The following IRS4 variants were observed in gnomAD, a reference collection of about 807,000 sequenced individuals.
The protein encoded by IRS4 is 160 kDa phosphotyrosine protein.
IRS4 carries 15 observed loss-of-function variants against 48.6 expected under a neutral mutation model. The ratio of observed to expected loss-of-function variants is 0.31; its 90% confidence interval spans 0.21 to 0.48. The LOEUF (loss-of-function observed/expected upper bound fraction) is 0.48. IRS4 is among the 20% of genes least tolerant of loss of function. The pLI is 0.99. For missense variants in IRS4, 987 were observed against 1,023.4 expected (o/e 0.96, Z 0.49); for synonymous variants, 459 against 413.2 (o/e 1.11, Z -1.34).
At chrX:108,725,209 C>T (rs2068869141) in intron 1 of IRS4, among the ~76,000 whole-genome samples, 1 of 110,381 alleles carries the variant, frequency 9.1e-6, no homozygotes, top group Admixed American at 9.7e-5. Context: ...TTTTGAAGTC[C>T]GAAACAGCAG....
intron 1 of IRS4, among the ~76,000 whole-genome samples, chrX:108,730,964 TG>T (rs1362896933): frequency 1.8e-5 from 2 of 111,788 alleles, no homozygotes; most frequent in African/African-American, 6.5e-5. Flanking sequence ...AATCTTATTA[TG>T]GATTAAAGAC....
chrX:108,730,556 G>T (rs1293871659), intron 1 of IRS4, among the ~76,000 whole-genome samples: 1 of 111,521 alleles, frequency 9.0e-6, no homozygotes, highest in African/African-American at 3.3e-5. Context: ...CAACCTAAGC[G>T]CCTGCCTCCC....
At chrX:108,727,682 C>G (rs1331542118) in intron 1 of IRS4, among the ~76,000 whole-genome samples, 1 of 112,163 alleles carries the variant, frequency 8.9e-6, no homozygotes, top group African/African-American at 3.2e-5. Context: ...TTTACAAAAG[C>G]TATTTTCCAA....
chrX:108,726,063 A>T (rs1302678788), intron 1 of IRS4: 1 of 112,616 alleles, frequency 8.9e-6, no homozygotes, highest in Non-Finnish European at 1.9e-5. Flanking sequence ...AGTTACTGCC[A>T]ACTTAAAGAA....
chrX:108,726,226 GCCTATATTTAA>G (rs1391088011), intron 1 of IRS4: 1 of 112,309 alleles, frequency 8.9e-6, no homozygotes, highest in African/African-American at 3.2e-5. Context: ...GTCTAGATAT[GCCTATATTTAA>G]CCTATGCAAC....
At chrX:108,730,315 ACCACCACCC>A (rs1285235675) in intron 1 of IRS4, among the ~76,000 whole-genome samples, 1 of 97,422 alleles carries the variant, frequency 1.0e-5, no homozygotes, top group African/African-American at 3.7e-5. Context: ...CACCACCACC[ACCACCACCC>A]CCACCCCCGC....
At chrX:108,730,555 C>T (rs937830634) in intron 1 of IRS4, among the ~76,000 whole-genome samples, 8 of 111,710 alleles carry the variant, frequency 7.2e-5, no homozygotes, top group African/African-American at 1.9e-4. Context: ...TCAACCTAAG[C>T]GCCTGCCTCC....
chrX:108,734,112 T>A lies in IRS4; in HGVS notation c.2233A>T (p.Met745Leu). The change falls in exon 1 of 2, where the codon ATG becomes TTG. Residue 745 changes from methionine to leucine, a missense_variant. This residue lies in a region of IRS4 where 720 missense variants were observed against 660.3 expected (regional missense o/e 1.09). Coordinates refer to ENST00000372129, the MANE Select transcript of IRS4 (RefSeq NM_001379150.1). ...SPFEDSRGYM[M>L]MFPRVSPPPA... ...GGTGGGCTCACTCTGGGAAACATCA[T>A]CATGTACCCTCTTGAATCTTCAAAA... 1.7e-6 allele frequency: 2 copies of A among 1,211,419 alleles called. No individual in the cohort carries two copies. Among genetic ancestry groups the A allele is most frequent in the Non-Finnish European group, 2.2e-6 (2 of 895,461 alleles).
Position 108,720,971 on chromosome X carries a change from G to A in IRS4, c.*1548C>T, listed in dbSNP as rs764604197. 4.4e-5 allele frequency: 5 copies of A among 112,956 alleles called. No homozygotes were observed. The East Asian group carries it at 8.3e-4, about 19-fold the overall frequency. The allele number at this position is 112,956 out of a possible 1,213,427, so 9.3% of individuals were successfully genotyped here. A position where few individuals can be genotyped will look rare whatever the true frequency, so the allele number is the denominator to read the frequency against. On this transcript the variant is annotated 3_prime_UTR_variant, in exon 2 of 2. Transcript: ENST00000372129. ...AGCTTGCTTGAAGATAGAAGTACACGTTCAAAGACATTAAAACCAAGTAGT... is the reference window on the plus strand; with the variant it reads ...AGCTTGCTTGAAGATAGAAGTACACATTCAAAGACATTAAAACCAAGTAGT...
intron 1 of IRS4, 194 bp downstream of exon 1, chrX:108,732,385 A>C (rs953030153): frequency 1.3e-5 from 8 of 630,000 alleles, no homozygotes; most frequent in Non-Finnish European, 1.9e-5. Flanking sequence ...GTCCAGATAA[A>C]GAAATTGATT....
At chrX:108,728,628 A>G (rs1250925111) in intron 1 of IRS4, among the ~76,000 whole-genome samples, 4 of 112,250 alleles carry the variant, frequency 3.6e-5, no homozygotes, top group Non-Finnish European at 7.5e-5. Flanking sequence ...CTATAAGGCA[A>G]TCTGCAACTG....
chrX:108,733,974 T>C lies in IRS4; in HGVS notation c.2371A>G (p.Lys791Glu). 1 of 1,211,687 alleles carries C rather than the reference T, an allele frequency of 8.3e-7. No individual in the cohort carries two copies. Among genetic ancestry groups the C allele is most frequent in the Non-Finnish European group, 1.1e-6 (1 of 895,486 alleles). Residue 791 changes from lysine to glutamate, a missense_variant, in exon 1 of 2, where the codon AAA becomes GAA. Physicochemically the swap from Lys to Glu is moderately conservative, Grantham distance 56 (BLOSUM62 1). Coordinates refer to ENST00000372129, the MANE Select transcript of IRS4 (RefSeq NM_001379150.1). ...FMAPGAGAIP[K>E]NPRNPQGGSS... ...CCACCCTGAGGATTTCTGGGGTTTT[T>C]TGGAATTGCACCGGCTCCAGGAGCC...
chrX:108,731,598 C>T (rs983310622), intron 1 of IRS4, among the ~76,000 whole-genome samples: 6 of 111,813 alleles, frequency 5.4e-5, no homozygotes, highest in African/African-American at 2.0e-4. Flanking sequence ...TTCCTTACTT[C>T]TTCCTTTGGA....
At chrX:108,728,293 C>T (rs981037341) in intron 1 of IRS4, among the ~76,000 whole-genome samples, 1 of 112,151 alleles carries the variant, frequency 8.9e-6, no homozygotes, top group African/African-American at 3.2e-5. Flanking sequence ...TACCCAGGTC[C>T]TGGAAGATAG....
At chrX:108,724,998 T>G (rs191880434) in intron 1 of IRS4, 5 of 111,123 alleles carry the variant, frequency 4.5e-5, no homozygotes, top group African/African-American at 1.6e-4. Context: ...GGCAGGGAAC[T>G]TTTTTTTCTC....
Position 108,734,966 on chromosome X carries a change from A to T in IRS4, c.1379T>A (p.Val460Glu). 8.3e-7 allele frequency: 1 copy of T among 1,211,816 alleles called. No individual in the cohort carries two copies. Among genetic ancestry groups the T allele is most frequent in the Non-Finnish European group, 1.1e-6 (1 of 895,565 alleles). ...PNNGARLSSEVSGSGSGNFGE... is the reference protein window; with the variant it reads ...PNNGARLSSEESGSGSGNFGE... ...AAAGTTGCCAGAGCCAGAACCAGACACTTCAGAAGACAGGCGAGCTCCATT... is the reference window on the plus strand; with the variant it reads ...AAAGTTGCCAGAGCCAGAACCAGACTCTTCAGAAGACAGGCGAGCTCCATT... The change falls in exon 1 of 2, where the codon GTG becomes GAG. Residue 460 changes from valine to glutamate, a missense_variant. This residue lies in a region of IRS4 where 720 missense variants were observed against 660.3 expected (regional missense o/e 1.09). Transcript: ENST00000372129.
intron 1 of IRS4, chrX:108,724,812 C>T (rs2068867572): frequency 8.9e-6 from 1 of 111,808 alleles, no homozygotes; most frequent in Non-Finnish European, 1.9e-5. Flanking sequence ...GTTATAAATA[C>T]TTACCTTATT....
chrX:108,734,254 A>T lies in IRS4; in HGVS notation c.2091T>A (p.Asp697Glu). The T allele has an allele frequency of 8.3e-7, 1 of 1,211,318 alleles. No individual in the cohort carries two copies. Among genetic ancestry groups the T allele is most frequent in the Non-Finnish European group, 1.1e-6 (1 of 895,335 alleles). ...HRARAFDEDE[D>E]DPYVPMRPGV... is the part of the protein sequence containing the mutation. ...CTGGCCTCATTGGCACGTATGGGTC[A>T]TCCTCATCTTCATCAAAAGCTCTGG... Residue 697 changes from aspartate to glutamate, a missense_variant, in exon 1 of 2, where the codon GAT (aspartate) becomes GAA (glutamate). By Grantham distance (45) the Asp-to-Glu change is conservative. This residue lies in a region of IRS4 where 720 missense variants were observed against 660.3 expected (regional missense o/e 1.09). Coordinates refer to ENST00000372129, the MANE Select transcript of IRS4 (RefSeq NM_001379150.1).
chrX:108,735,103 C>T lies in IRS4; in HGVS notation c.1242G>A (p.Leu414=), dbSNP rs776943599. ...TTGACCTGCGCCCTCTGGGCAGGTG[C>T]AGTCTTCCTCGCCTGGAGTGGGCCA... The part of the protein sequence containing the change: ...EPVAHSRRGR[L]HLPRGRRSRR... The change falls in exon 1 of 2, where the codon CTG becomes CTA. Residue 414 remains leucine, a synonymous_variant. Transcript: ENST00000372129. 1.7e-6 allele frequency: 2 copies of T among 1,209,945 alleles called. No individual in the cohort carries two copies. Among genetic ancestry groups the T allele is most frequent in the African/African-American group, 3.5e-5 (2 of 57,135 alleles).
Sources: allele counts gnomAD v4.1 joint callset (sites outside exome capture counted in the v4.1 genomes callset), GRCh38; gene constraint gnomAD v4.1.1; regional missense constraint gnomAD v4.1.1; transcripts MANE v1.5; gene names NCBI Gene and HGNC (gene_info 2026-07-23, HGNC 2026-07-21).